CYP46A1: variants seen among roughly 807,000 people sequenced by gnomAD.
The protein encoded by CYP46A1 is cytochrome P450 family 46 subfamily A member 1, also known as cholesterol 24-hydroxylase.
CYP46A1 carries 20 observed loss-of-function variants against 63.3 expected under a neutral mutation model. The ratio of observed to expected loss-of-function variants is 0.32; its 90% CI spans 0.22 to 0.46. The LOEUF (loss-of-function observed/expected upper bound fraction) is 0.46, where lower values mean the gene tolerates loss of function less well. CYP46A1 is among the 20% of genes least tolerant of loss of function. CYP46A1 has a pLI of 1.00. For synonymous variants in CYP46A1, 268 were observed against 273.6 expected (o/e 0.98, Z 0.20); for missense variants, 445 against 670.8 (o/e 0.66, Z 3.72).
intron 3 of CYP46A1, among the ~76,000 whole-genome samples, chr14:99,695,819 T>C (rs781686642): frequency 1.9e-4 from 29 of 151,858 alleles, no homozygotes; most frequent in Admixed American, 1.7e-3. Flanking sequence ...TTAGTAGAGA[T>C]GGAGTTTCAC....
intron 5 of CYP46A1, 89 bp from the exon 6 acceptor site, chr14:99,706,558 C>G: frequency 6.4e-7 from 1 of 1,551,034 alleles, no homozygotes; most frequent in South Asian, 1.2e-5. Flanking sequence ...TCACTCTGCA[C>G]AGTATCCTCT....
chr14:99,726,288 G>C, intron 14 of CYP46A1, 32 bp downstream of exon 14: 1 of 1,606,764 alleles, frequency 6.2e-7, no homozygotes, highest in Non-Finnish European at 8.5e-7. Context: ...TTCTGCCCAG[G>C]AGTAGCTGCA....
chr14:99,715,827 GA>G lies in CYP46A1; in HGVS notation c.713del (p.Lys238SerfsTer28). 3 of 1,614,204 alleles carry G rather than the reference GA, an allele frequency of 1.9e-6. No homozygotes were observed. Among genetic ancestry groups the G allele is most frequent in the Non-Finnish European group, 2.5e-6 (3 of 1,180,040 alleles). On this transcript the variant is annotated frameshift_variant, in exon 8 of 15. Coordinates refer to ENST00000261835, the MANE Select transcript of CYP46A1 (RefSeq NM_006668.2). LOFTEE classifies it high-confidence loss of function. ...TLAKFLPGKR[K>X]QLREVRESIR... ...TTGTTTAGTTCCTGCCAGGGAAGAG[GA>G]AGCAGCTCCGGGAGGTCCGGGAGAG...
At position 99,707,672 on chromosome 14, in the gene CYP46A1, G is replaced by A; in HGVS notation, c.687G>A (p.Leu229=). 1.2e-6 allele frequency: 2 copies of A among 1,614,018 alleles called. No individual in the cohort carries two copies. Among genetic ancestry groups the A allele is most frequent in the Non-Finnish European group, 1.7e-6 (2 of 1,179,942 alleles). ...GAATCACTGCGTCCCGCAACACTCT[G>A]GCAAAGGTACTGCCTCAGCACCCCC... ...LEGITASRNT[L]AKFLPGKRKQ... The change falls in exon 7 of 15, where the codon CTG becomes CTA. Residue 229 remains leucine, a synonymous_variant. Transcript: ENST00000261835.
chr14:99,722,160 TC>T lies in CYP46A1; in HGVS notation c.1176+97del. On this transcript the variant is annotated intron_variant, in intron 12 of 14. Transcript: ENST00000261835. This position sits in a 1 kb window ranked among gnomAD's most constrained non-coding sequence, Gnocchi z 4.6. ...TCACCAGGGGAGCCTGTGGCCCTGT[TC>T]CCATCATTGCAACGGGCCTCACTGG... 2 of 887,986 alleles carry T rather than the reference TC, an allele frequency of 2.3e-6. No homozygotes were observed. The highest frequency in any genetic ancestry group is 3.5e-6 in the Non-Finnish European group (2 of 568,006). 55.0% of individuals were successfully genotyped at this position (887,986 alleles called of 1,614,324 possible). A position where few individuals can be genotyped will look rare whatever the true frequency, so the allele number is the denominator to read the frequency against.
chr14:99,707,860 T>G (rs1055756800), intron 7 of CYP46A1, 182 bp downstream of exon 7: 2 of 590,924 alleles, frequency 3.4e-6, no homozygotes, highest in Non-Finnish European at 6.0e-6. Flanking sequence ...TAAAATCAAA[T>G]TGCCTTAAAG....
intron 12 of CYP46A1, chr14:99,723,086 A>G (rs12896665): frequency 0.26 from 66,609 of 254,952 alleles, 10,200 homozygotes; most frequent in South Asian, 0.38. Flanking sequence ...CCGATTTTGT[A>G]TCTGCTGCCA....
At chr14:99,707,758 T>TA in intron 7 of CYP46A1, 80 bp downstream of exon 7, 1 of 1,295,368 alleles carries the variant, frequency 7.7e-7, no homozygotes, top group Non-Finnish European at 1.1e-6. Context: ...TTCAGTGATT[T>TA]TTTTTTTTTT....
chr14:99,691,613 G>A (rs995725083), intron 2 of CYP46A1, 167 bp from the exon 3 acceptor site: 4 of 646,320 alleles, frequency 6.2e-6, no homozygotes, highest in Non-Finnish European at 1.1e-5. Flanking sequence ...TGAGCAACAG[G>A]GCAGAGCCTT....
Position 99,726,925 on chromosome 14 carries a change from G to C in CYP46A1, c.*198G>C, listed in dbSNP as rs1203113414. Reference sequence around the variant, plus strand: ...GCCTGCGGACTCCATGGCCCTTCCTGGACTGGCCCTTGCCCAACTCCCAGC... The same window carrying C: ...GCCTGCGGACTCCATGGCCCTTCCTCGACTGGCCCTTGCCCAACTCCCAGC... On this transcript the variant is annotated 3_prime_UTR_variant, in exon 15 of 15. Coordinates refer to ENST00000261835, the MANE Select transcript of CYP46A1 (RefSeq NM_006668.2). 4.4e-6 allele frequency: 2 copies of C among 456,600 alleles called. No individual in the cohort carries two copies. Among genetic ancestry groups the C allele is most frequent in the Non-Finnish European group, 7.6e-6 (2 of 262,764 alleles). The allele number at this position is 456,600 out of a possible 1,614,324, so 28.3% of individuals were successfully genotyped here. A position where few individuals can be genotyped will look rare whatever the true frequency, so the allele number is the denominator to read the frequency against.
chr14:99,723,466 G>A (rs955012838), intron 12 of CYP46A1, among the ~76,000 whole-genome samples: 10 of 152,096 alleles, frequency 6.6e-5, no homozygotes, highest in African/African-American at 2.2e-4. Context: ...ACACCCCCAC[G>A]CCTGGCTAAT....
intron 7 of CYP46A1, chr14:99,712,015 A>G (rs2056736903): frequency 6.6e-6 from 1 of 152,238 alleles, no homozygotes; most frequent in Non-Finnish European, 1.5e-5. Flanking sequence ...CATCATATTA[A>G]CAGGATGAAG....
chr14:99,713,717 A>G (rs2056757658), intron 7 of CYP46A1, among the ~76,000 whole-genome samples: 1 of 151,952 alleles, frequency 6.6e-6, no homozygotes, highest in Non-Finnish European at 1.5e-5. Context: ...TGTCTCTACT[A>G]AAAATTCAAA....
chr14:99,698,670 G>A (rs946325239), intron 3 of CYP46A1, among the ~76,000 whole-genome samples: 1 of 152,230 alleles, frequency 6.6e-6, no homozygotes, highest in African/African-American at 2.4e-5. Context: ...AAACTGAGGG[G>A]CAGAGGAGGT....
chr14:99,709,092 T>C (rs1206075379), intron 7 of CYP46A1: 2 of 151,948 alleles, frequency 1.3e-5, no homozygotes, highest in Admixed American at 1.3e-4. Context: ...ATCCATAAAA[T>C]TGGAAGAAGT....
At chr14:99,700,349 G>A (rs887619614) in intron 5 of CYP46A1, among the ~76,000 whole-genome samples, 1 of 152,164 alleles carries the variant, frequency 6.6e-6, no homozygotes, top group East Asian at 1.9e-4. Context: ...GAGTGCCCAC[G>A]ATGGCCAGAA....
chr14:99,684,643 G>A, intron 1 of CYP46A1, 107 bp downstream of exon 1: 3 of 960,272 alleles, frequency 3.1e-6, no homozygotes, highest in Non-Finnish European at 4.7e-6. Context: ...CCTAGTGCGC[G>A]CGGCCGCTGG....
chr14:99,719,518 G>C (rs1367584959), intron 10 of CYP46A1, among the ~76,000 whole-genome samples: 1 of 151,854 alleles, frequency 6.6e-6, no homozygotes, highest in Non-Finnish European at 1.5e-5. Flanking sequence ...CACTGCTCCT[G>C]GCCTCCGTCT....
chr14:99,704,210 G>A (rs1056657810), intron 5 of CYP46A1, among the ~76,000 whole-genome samples: 23 of 152,216 alleles, frequency 1.5e-4, no homozygotes, highest in African/African-American at 5.1e-4. Flanking sequence ...GCAGTTCAGT[G>A]GTATTAAATT....
Sources: allele counts gnomAD v4.1 joint callset (sites outside exome capture counted in the v4.1 genomes callset), GRCh38; gene constraint gnomAD v4.1.1; non-coding constraint Gnocchi (gnomAD v3.1); transcripts MANE v1.5; gene names NCBI Gene and HGNC (gene_info 2026-07-23, HGNC 2026-07-21).